ENTHD1: variants seen among roughly 807,000 people sequenced by gnomAD.
The protein encoded by ENTHD1 is ENTH domain containing 1, also known as ENTH domain-containing protein 1.
Under a neutral mutation model 39.1 loss-of-function variants are expected in ENTHD1, and 23 were observed. The observed-to-expected ratio is 0.59, with a 90% CI of 0.42 to 0.83. The LOEUF (loss-of-function observed/expected upper bound fraction) is 0.83. ENTHD1 is among the 40% of genes least tolerant of loss of function. The pLI is 0.00. For missense variants in ENTHD1, 624 were observed against 705.4 expected, an observed-to-expected ratio of 0.88 and a Z score of 1.31; for synonymous variants, 230 against 258.2, an observed-to-expected ratio of 0.89 and a Z score of 1.05.
chr22:39,760,017 G>A (rs2065218575), intron 6 of ENTHD1, among the ~76,000 whole-genome samples: 1 of 151,168 alleles, frequency 6.6e-6, no homozygotes, highest in African/African-American at 2.4e-5. Flanking sequence ...AATAGTTTTT[G>A]TTTTTAATGA....
At chr22:39,779,888 G>T (rs1338084728) in intron 5 of ENTHD1, among the ~76,000 whole-genome samples, 2 of 152,032 alleles carry the variant, frequency 1.3e-5, no homozygotes, top group African/African-American at 4.8e-5. Context: ...ATATCTATAA[G>T]ATGGGTTTTT....
intron 6 of ENTHD1, among the ~76,000 whole-genome samples, chr22:39,748,288 T>C (rs1485010721): frequency 6.6e-6 from 1 of 150,510 alleles, no homozygotes; most frequent in Non-Finnish European, 1.5e-5. Flanking sequence ...TCAAAACATA[T>C]CTGTTAAAGT....
intron 6 of ENTHD1, among the ~76,000 whole-genome samples, chr22:39,748,860 A>C (rs1484856998): frequency 1.3e-5 from 2 of 152,180 alleles, no homozygotes; most frequent in African/African-American, 4.8e-5. Flanking sequence ...GGAATTTGTC[A>C]GTAATGAATT....
At chr22:39,784,919 A>C (rs2065442372) in intron 5 of ENTHD1, among the ~76,000 whole-genome samples, 2 of 152,192 alleles carry the variant, frequency 1.3e-5, no homozygotes, top group Non-Finnish European at 2.9e-5. Context: ...AAACGGCTAG[A>C]AGAGAAGAAT....
chr22:39,766,500 T>C (rs1416618127), intron 5 of ENTHD1, among the ~76,000 whole-genome samples: 3 of 152,098 alleles, frequency 2.0e-5, no homozygotes, highest in African/African-American at 7.2e-5. Context: ...TGAACCGGGA[T>C]ACGAAAAGAA....
intron 5 of ENTHD1, among the ~76,000 whole-genome samples, chr22:39,772,799 G>A (rs919022655): frequency 6.6e-6 from 1 of 152,018 alleles, no homozygotes; most frequent in African/African-American, 2.4e-5. Context: ...ATATACCATG[G>A]AACGATAAGT....
intron 3 of ENTHD1, among the ~76,000 whole-genome samples, chr22:39,842,927 T>C (rs1169366639): frequency 6.8e-6 from 1 of 147,312 alleles, no homozygotes; most frequent in Non-Finnish European, 1.5e-5. Flanking sequence ...CTCACACCAG[T>C]TAGAATGGCA....
intron 4 of ENTHD1, among the ~76,000 whole-genome samples, chr22:39,821,336 A>G (rs1247716353): frequency 2.0e-5 from 3 of 152,330 alleles, no homozygotes; most frequent in East Asian, 1.9e-4. Context: ...GTCGGTAGAT[A>G]GCAAGGATTT....
chr22:39,873,731 C>T (rs1281051034), intron 2 of ENTHD1, among the ~76,000 whole-genome samples: 1 of 152,118 alleles, frequency 6.6e-6, no homozygotes, highest in Non-Finnish European at 1.5e-5. Context: ...CAATTGGATA[C>T]CATACAGATA....
intron 1 of ENTHD1, among the ~76,000 whole-genome samples, chr22:39,889,559 C>T (rs762647718): frequency 5.9e-5 from 9 of 152,170 alleles, no homozygotes; most frequent in Non-Finnish European, 1.0e-4. Flanking sequence ...AAACTGCACA[C>T]ATACAAAAGA....
chr22:39,781,999 A>G (rs1030059068), intron 5 of ENTHD1, among the ~76,000 whole-genome samples: 1 of 152,122 alleles, frequency 6.6e-6, no homozygotes, highest in Non-Finnish European at 1.5e-5. Context: ...AATAAGTAAC[A>G]AGATTGGCCG....
intron 5 of ENTHD1, among the ~76,000 whole-genome samples, chr22:39,789,341 T>C (rs2065485573): frequency 6.6e-6 from 1 of 152,110 alleles, no homozygotes; most frequent in South Asian, 2.1e-4. Flanking sequence ...CTGAAAAAAA[T>C]TTCTCAATTG....
At chr22:39,883,642 A>T (rs1177859434) in intron 2 of ENTHD1, among the ~76,000 whole-genome samples, 1 of 152,066 alleles carries the variant, frequency 6.6e-6, no homozygotes. Context: ...TAGTATATAG[A>T]TCAATATACA....
intron 5 of ENTHD1, among the ~76,000 whole-genome samples, chr22:39,812,513 T>C (rs1468180261): frequency 6.6e-6 from 1 of 152,086 alleles, no homozygotes; most frequent in Non-Finnish European, 1.5e-5. Flanking sequence ...GTGGAAGAGG[T>C]CTCAAAAATC....
At chr22:39,815,265 A>G (rs1321808584) in intron 5 of ENTHD1, among the ~76,000 whole-genome samples, 1 of 152,128 alleles carries the variant, frequency 6.6e-6, no homozygotes, top group Admixed American at 6.6e-5. Context: ...CAGCATGGTG[A>G]AACCTCGTTT....
At chr22:39,860,302 A>G (rs1376222008) in intron 3 of ENTHD1, among the ~76,000 whole-genome samples, 1 of 152,246 alleles carries the variant, frequency 6.6e-6, no homozygotes. Context: ...CGAAGAAGCA[A>G]AAGTGGGGAA....
In ENTHD1 at chr22:39,861,914, C is replaced by G. The variant is rs1432210919; in HGVS notation, c.443G>C (p.Arg148Thr). The change falls in exon 3 of 7, where the codon AGA becomes ACA. Residue 148 changes from arginine (R) to threonine (T), a missense_variant. By Grantham distance (71) the Arg-to-Thr change is moderately conservative. Transcript: ENST00000325157. ...CKEREVACRT[R>T]QRTSHSILFS... ...CAATATAGAGTGGGAGGTACGCTGT[C>G]TAGTCCGACATGCCACTTCCCTCTC... 2 of 1,602,336 alleles carry G rather than the reference C, an allele frequency of 1.2e-6. No homozygotes were observed. Among genetic ancestry groups the G allele is most frequent in the Non-Finnish European group, 1.7e-6 (2 of 1,172,114 alleles).
chr22:39,889,141 ATTACT>A (rs2066406768), intron 1 of ENTHD1, among the ~76,000 whole-genome samples: 1 of 152,172 alleles, frequency 6.6e-6, no homozygotes. Context: ...GAAAGGTTAA[ATTACT>A]TTATTTGTTC....
intron 5 of ENTHD1, among the ~76,000 whole-genome samples, chr22:39,767,918 T>C (rs1341599527): frequency 1.3e-5 from 2 of 152,204 alleles, no homozygotes; most frequent in African/African-American, 2.4e-5. Flanking sequence ...CCTTTCCCAA[T>C]AGCCCGGGAA....
Sources: allele counts gnomAD v4.1 joint callset (sites outside exome capture counted in the v4.1 genomes callset), GRCh38; gene constraint gnomAD v4.1.1; transcripts MANE v1.5; gene names NCBI Gene and HGNC (gene_info 2026-07-23, HGNC 2026-07-21).